PLXNA4: variants seen among roughly 807,000 people sequenced by gnomAD.
The protein encoded by PLXNA4 is plexin-A4.
Under a neutral mutation model 191.8 loss-of-function variants are expected in PLXNA4, and 44 were observed. The ratio of observed to expected loss-of-function variants is 0.23; its 90% CI spans 0.18 to 0.29. The LOEUF is 0.29. PLXNA4 is among the 10% of genes least tolerant of loss of function. The probability of loss-of-function intolerance (pLI) is 1.00; values close to 1 mark genes in which losing one functional copy is unlikely to be tolerated. For missense variants in PLXNA4, 1,800 were observed against 2,488.8 expected, an observed-to-expected ratio of 0.72 and a Z score of 5.89; for synonymous variants, 1,082 against 1,009.5, an observed-to-expected ratio of 1.07 and a Z score of -1.36.
chr7:132,179,023 GGCGC>G (rs10530198), intron 20 of PLXNA4, among the ~76,000 whole-genome samples: 7,002 of 58,608 alleles, frequency 0.12, 825 homozygotes, highest in African/African-American at 0.32. Context: ...CACATATACA[GGCGC>G]GCGCGCACAC....
At chr7:132,486,569 G>C (rs916436196) in intron 3 of PLXNA4, among the ~76,000 whole-genome samples, 1 of 152,188 alleles carries the variant, frequency 6.6e-6, no homozygotes, top group African/African-American at 2.4e-5. Flanking sequence ...AGAAAGTTTG[G>C]CCGCCCCAGT....
intron 1 of PLXNA4, among the ~76,000 whole-genome samples, chr7:132,551,263 G>C (rs1344517302): frequency 6.6e-6 from 1 of 152,162 alleles, no homozygotes; most frequent in Non-Finnish European, 1.5e-5. Context: ...ATACAGAAGA[G>C]CCAGTGGGAA....
At chr7:132,398,643 A>G (rs1563077041) in intron 3 of PLXNA4, among the ~76,000 whole-genome samples, 1 of 152,072 alleles carries the variant, frequency 6.6e-6, no homozygotes, top group Non-Finnish European at 1.5e-5. Context: ...ATCTAGCAGC[A>G]CTCACTGAGG....
chr7:132,631,332 T>C (rs1012271409), intron 2 of PLXNA4, among the ~76,000 whole-genome samples: 1 of 152,216 alleles, frequency 6.6e-6, no homozygotes, highest in Admixed American at 6.5e-5. Context: ...CAGCCCTTAT[T>C]CTTAAGGTGC....
chr7:132,320,473 C>A (rs1802118883), intron 3 of PLXNA4, among the ~76,000 whole-genome samples: 1 of 152,206 alleles, frequency 6.6e-6, no homozygotes, highest in African/African-American at 2.4e-5. Context: ...TCTCCAAAGA[C>A]CCTATTTACA....
intron 3 of PLXNA4, among the ~76,000 whole-genome samples, chr7:132,401,657 G>C (rs1021571517): frequency 1.3e-5 from 2 of 152,166 alleles, no homozygotes; most frequent in African/African-American, 2.4e-5. Flanking sequence ...ACGGGAAAGG[G>C]CCCTCTAAGC....
At chr7:132,354,025 C>A (rs371378487) in intron 3 of PLXNA4, among the ~76,000 whole-genome samples, 2 of 152,156 alleles carry the variant, frequency 1.3e-5, no homozygotes, top group Admixed American at 6.5e-5. Context: ...TGCTCACTGA[C>A]CCCCAGAGAG....
intron 3 of PLXNA4, among the ~76,000 whole-genome samples, chr7:132,376,054 C>T (rs1804645051): frequency 6.6e-6 from 1 of 152,184 alleles, no homozygotes. Flanking sequence ...GCTTCCCCAT[C>T]TGCAAATTTG....
rs533025883 is a variant in PLXNA4 at position 132,325,271 on chromosome 7, G to A, written c.1372-27049C>T. Among the ~76,000 whole-genome samples, 6 of 152,106 alleles carry A rather than the reference G, an allele frequency of 3.9e-5. No individual in the cohort carries two copies. In the East Asian group the frequency reaches 9.6e-4, roughly 24 times the overall value. On this transcript the variant is annotated intron_variant, in intron 3 of 31. Transcript: ENST00000321063. ...GAGCATTGAAGAAGCTTCTGGATAC[G>A]GGGCCATCTACATTTAGTGAGTTTG...
Position 132,402,739 on chromosome 7 carries a change from C to T in PLXNA4, c.1371+86553G>A, listed in dbSNP as rs10258955. Among the ~76,000 whole-genome samples the T allele has an allele frequency of 3.7e-3, 567 of 152,296 alleles. 1 individual carries two copies. The highest frequency in any genetic ancestry group is 0.012 in the African/African-American group (516 of 41,554). On this transcript the variant is annotated intron_variant, in intron 3 of 31. Coordinates refer to ENST00000321063, the MANE Select transcript of PLXNA4 (RefSeq NM_020911.2). ...CAATCAGGTTTAACAAGGAGGCATCCGAGGATCAGGAGAAACACCTCCTAC... is the reference window on the plus strand; with the variant it reads ...CAATCAGGTTTAACAAGGAGGCATCTGAGGATCAGGAGAAACACCTCCTAC...
chr7:132,402,283 C>T (rs916749219), intron 3 of PLXNA4, among the ~76,000 whole-genome samples: 3 of 152,130 alleles, frequency 2.0e-5, no homozygotes, highest in Non-Finnish European at 2.9e-5. Flanking sequence ...TCAGTGACAA[C>T]AGTGAGAAGT....
chr7:132,306,723 G>A (rs1038514873), intron 3 of PLXNA4, among the ~76,000 whole-genome samples: 3 of 152,140 alleles, frequency 2.0e-5, no homozygotes, highest in Admixed American at 6.5e-5. Flanking sequence ...CTGGAACCAG[G>A]AGACACAAAT....
chr7:132,217,106 C>T (rs759202674), intron 9 of PLXNA4, among the ~76,000 whole-genome samples: 1 of 152,184 alleles, frequency 6.6e-6, no homozygotes. Context: ...GTGACTCCAG[C>T]GAGCTCCAGG....
chr7:132,213,109 A>G (rs576079846), intron 9 of PLXNA4, among the ~76,000 whole-genome samples: 1 of 152,346 alleles, frequency 6.6e-6, no homozygotes, highest in African/African-American at 2.4e-5. Flanking sequence ...ACATGGATGA[A>G]CCTTGGGGAC....
At chr7:132,319,931 A>G (rs73157290) in intron 3 of PLXNA4, among the ~76,000 whole-genome samples, 8,560 of 151,956 alleles carry the variant, frequency 0.056, 317 homozygotes, top group African/African-American at 0.08. Flanking sequence ...ATGCTTCCCC[A>G]CCTCTCCCAT....
intron 1 of PLXNA4, among the ~76,000 whole-genome samples, chr7:132,540,569 CTTTTTTTTTTTTT>C (rs71915138): frequency 2.3e-4 from 14 of 60,978 alleles, no homozygotes; most frequent in Non-Finnish European, 3.0e-4. Flanking sequence ...GTGGACCGTT[CTTTTTTTTTTTTT>C]TTTTTTTTTT....
intron 31 of PLXNA4, among the ~76,000 whole-genome samples, chr7:132,132,443 T>TTCTGC: frequency 1.3e-5 from 1 of 76,218 alleles, no homozygotes; most frequent in South Asian, 6.1e-4. Context: ...TTCTGTTCTG[T>TTCTGC]TCTGTTCTGT....
chr7:132,376,218 G>A (rs1240181428), intron 3 of PLXNA4, among the ~76,000 whole-genome samples: 3 of 152,166 alleles, frequency 2.0e-5, no homozygotes, highest in Non-Finnish European at 4.4e-5. Flanking sequence ...AGCATTGGCC[G>A]AGGGACTGTA....
intron 3 of PLXNA4, among the ~76,000 whole-genome samples, chr7:132,374,284 G>T (rs1347180966): frequency 6.6e-6 from 1 of 152,236 alleles, no homozygotes. Context: ...AGCACTGGGA[G>T]ATTGTGTTCA....
Sources: gnomAD v4.1 joint callset for allele counts (sites outside exome capture counted in the v4.1 genomes callset) on GRCh38, gnomAD v4.1.1 for gene constraint, MANE v1.5 for transcripts, NCBI Gene and HGNC (gene_info 2026-07-23, HGNC 2026-07-21) for gene names.